The following NXPE1 variants were observed in gnomAD, a reference collection of about 807,000 sequenced individuals.
NXPE1 encodes NXPE family member 1.
A neutral mutation model predicts 33.3 loss-of-function variants in NXPE1; 31 were observed. The ratio of observed to expected loss-of-function variants is 0.93; its 90% confidence interval spans 0.70 to 1.26. The LOEUF (loss-of-function observed/expected upper bound fraction) is 1.26, where lower values mean the gene tolerates loss of function less well. NXPE1 is among the 50% of genes most tolerant of loss of function. The probability of loss-of-function intolerance (pLI) is 0.00; values close to 1 mark genes in which losing one functional copy is unlikely to be tolerated. For missense variants in NXPE1, 661 were observed against 655.6 expected (o/e 1.01, Z -0.09); for synonymous variants, 229 against 231.4 (o/e 0.99, Z 0.09).
chr11:114,526,779 AT>A (rs1208635080), intron 7 of NXPE1: 1 of 152,192 alleles, frequency 6.6e-6, no homozygotes, highest in Non-Finnish European at 1.5e-5. Context: ...ACAAGGAATA[AT>A]TTTTTAGTGT....
At chr11:114,520,917 T>C (rs1947197259), downstream of NXPE1, among the ~76,000 whole-genome samples, 1 of 152,226 alleles carries the variant, frequency 6.6e-6, no homozygotes, top group African/African-American at 2.4e-5. Flanking sequence ...GTTACAAAGC[T>C]TTAAAATTAA....
intron 1 of NXPE1, among the ~76,000 whole-genome samples, chr11:114,555,001 A>C (rs1448796953): frequency 6.7e-6 from 1 of 150,188 alleles, no homozygotes; most frequent in African/African-American, 2.4e-5. Context: ...ATAAATCCCT[A>C]TCTTGTTTTC....
chr11:114,553,685 C>T (rs1219422170), intron 1 of NXPE1: 12 of 981,260 alleles, frequency 1.2e-5, no homozygotes, highest in Non-Finnish European at 1.5e-5. Context: ...ATCAATGTCT[C>T]ACCTAGATTC....
At chr11:114,546,453 T>C (rs1287928645) in intron 5 of NXPE1, among the ~76,000 whole-genome samples, 1 of 142,184 alleles carries the variant, frequency 7.0e-6, no homozygotes, top group Non-Finnish European at 1.5e-5. Flanking sequence ...ATCATACATA[T>C]ATATATTTTT....
intron 1 of NXPE1, among the ~76,000 whole-genome samples, chr11:114,557,218 G>A (rs10502190): frequency 0.21 from 32,534 of 151,956 alleles, 4,718 homozygotes; most frequent in African/African-American, 0.4. Flanking sequence ...TTGTGTATTA[G>A]TCAAAAACTC....
intron 5 of NXPE1, among the ~76,000 whole-genome samples, chr11:114,546,616 C>T (rs1409271934): frequency 6.6e-6 from 1 of 151,834 alleles, no homozygotes; most frequent in Non-Finnish European, 1.5e-5. Context: ...TTTCTGAGCG[C>T]TGTCTTCTGA....
chr11:114,530,112 T>C (rs1947523843), intron 6 of NXPE1, 63 bp downstream of exon 6: 1 of 1,489,910 alleles, frequency 6.7e-7, no homozygotes, highest in African/African-American at 1.4e-5. Flanking sequence ...CAATGGGCAA[T>C]GTAGCTCTGA....
Position 114,552,920 on chromosome 11 carries a change from A to G in NXPE1, c.-210-40T>C, listed in dbSNP as rs917706864. ...AAGCAGCAAAATTAATGAAATAAAC[A>G]TTTATGTTGGATTAGAATACAGTAG... On this transcript the variant is annotated intron_variant, in intron 1 of 8. Transcript: ENST00000534921. 19 of 894,282 alleles carry G rather than the reference A, an allele frequency of 2.1e-5. No individual in the cohort carries two copies. In the African/African-American group the frequency reaches 3.3e-4, roughly 15 times the overall value. The allele number at this position is 894,282 out of a possible 1,614,324, so 55.4% of individuals were successfully genotyped here.
chr11:114,520,617 T>C (rs1023101228), downstream of NXPE1, among the ~76,000 whole-genome samples: 1 of 152,188 alleles, frequency 6.6e-6, no homozygotes, highest in African/African-American at 2.4e-5. Context: ...TTCATTTCCT[T>C]TGGGATACTC....
chr11:114,536,137 A>G (rs1221919707), intron 5 of NXPE1, among the ~76,000 whole-genome samples: 2 of 152,044 alleles, frequency 1.3e-5, no homozygotes, highest in East Asian at 1.9e-4. Flanking sequence ...CTCACTCAAA[A>G]CCCCTCAACT....
intron 6 of NXPE1, chr11:114,529,747 C>T (rs999088717): frequency 5.9e-6 from 1 of 170,318 alleles, no homozygotes; most frequent in Non-Finnish European, 1.3e-5. Flanking sequence ...GGGAGAGAGA[C>T]CAGTTGGGAA....
rs770470755 is a variant in NXPE1, at chr11:114,522,419, C to T, written c.1193G>A (p.Trp398Ter). The T allele has an allele frequency of 6.2e-7, 1 of 1,613,924 alleles. No individual in the cohort carries two copies. Among genetic ancestry groups the T allele is most frequent in the South Asian group, 1.1e-5 (1 of 91,066 alleles). The change falls in exon 9 of 9, where the codon TGG becomes TAG. Residue 398 changes from tryptophan (W) to a stop codon, truncating the protein, a stop_gained. Transcript: ENST00000534921. LOFTEE classifies it low-confidence loss of function (END_TRUNC). ...GACGAAGGGATAGCTATGTTTTTTC[C>T]ATTGAATCTGAGTGTGTCTTTCTGC...
intron 1 of NXPE1, among the ~76,000 whole-genome samples, chr11:114,557,380 T>C (rs1264587047): frequency 6.6e-6 from 1 of 152,056 alleles, no homozygotes; most frequent in African/African-American, 2.4e-5. Context: ...ATGAGGGACC[T>C]TAGAAAACTG....
chr11:114,553,067 T>G lies in NXPE1; in HGVS notation c.-210-187A>C, dbSNP rs557680347. 2.5e-3 allele frequency among the ~76,000 whole-genome samples: 387 copies of G among 152,292 alleles called. 4 individuals are homozygous for G. Among genetic ancestry groups the G allele is most frequent in the Middle Eastern group, 0.01 (3 of 294 alleles). Reference sequence around the variant, plus strand: ...TCCTCCCTCACTGCACCAACACTGCTCAATCTCCACCATGCTTCCTGGTAA... The same window carrying G: ...TCCTCCCTCACTGCACCAACACTGCGCAATCTCCACCATGCTTCCTGGTAA... On this transcript the variant is annotated intron_variant, in intron 1 of 8. Coordinates refer to ENST00000534921, the Ensembl canonical transcript of NXPE1.
chr11:114,530,163 A>G lies in NXPE1; in HGVS notation c.833+12T>C. The G allele has an allele frequency of 6.3e-7, 1 of 1,580,880 alleles. No individual in the cohort carries two copies. Among genetic ancestry groups the G allele is most frequent in the Non-Finnish European group, 8.6e-7 (1 of 1,166,082 alleles). On this transcript the variant is annotated intron_variant, in intron 6 of 8. Coordinates refer to ENST00000534921, the Ensembl canonical transcript of NXPE1. ...GGGGACACTTCTCAGTATACATGAA[A>G]AGTATACTCACCTGTGGAAAAGGCT...
intron 5 of NXPE1, among the ~76,000 whole-genome samples, chr11:114,531,137 T>C (rs1374562175): frequency 6.6e-6 from 1 of 151,806 alleles, no homozygotes; most frequent in Non-Finnish European, 1.5e-5. Context: ...TTATCAATAT[T>C]ATTTAAATTG....
At chr11:114,536,716 C>G (rs1327779527) in intron 5 of NXPE1, among the ~76,000 whole-genome samples, 1 of 152,176 alleles carries the variant, frequency 6.6e-6, no homozygotes, top group Non-Finnish European at 1.5e-5. Context: ...CATACACTCT[C>G]CCAAGACAAA....
chr11:114,554,139 A>G (rs1296946306), intron 1 of NXPE1: 8 of 985,478 alleles, frequency 8.1e-6, no homozygotes, highest in Non-Finnish European at 8.4e-6. Context: ...ATCCTCAGAC[A>G]GGATTGAATC....
At chr11:114,521,864 A>C in exon 9 of NXPE1, 2 of 907,376 alleles carry the variant, frequency 2.2e-6, no homozygotes, top group Non-Finnish European at 3.4e-6. Context: ...GATTCTTTTA[A>C]ATTTATTTTC....
Sources: gnomAD v4.1 joint callset for allele counts (sites outside exome capture counted in the v4.1 genomes callset) on GRCh38, gnomAD v4.1.1 for gene constraint, MANE v1.5 for transcripts, NCBI Gene and HGNC (gene_info 2026-07-23, HGNC 2026-07-21) for gene names.